KIF21A: variants seen among roughly 807,000 people sequenced by gnomAD.
KIF21A encodes the protein kinesin-like protein KIF21A.
A neutral mutation model predicts 202.9 loss-of-function variants in KIF21A; 114 were observed. That is an observed-to-expected ratio of 0.56 (90% CI 0.48 to 0.66). KIF21A has a LOEUF of 0.66. KIF21A is among the 30% of genes least tolerant of loss of function. The probability of loss-of-function intolerance (pLI) is 0.00; values close to 1 mark genes in which losing one functional copy is unlikely to be tolerated. For missense variants in KIF21A, 1,677 were observed against 1,994.9 expected (o/e 0.84, Z 3.04); for synonymous variants, 667 against 670.8 (o/e 0.99, Z 0.09).
chr12:39,416,715 G>GTACATATATATGTGTGTATA (rs1953701442), intron 1 of KIF21A, among the ~76,000 whole-genome samples: 2 of 74,312 alleles, frequency 2.7e-5, no homozygotes, highest in Non-Finnish European at 4.8e-5. Flanking sequence ...ATATATGTGT[G>GTACATATATATGTGTGTATA]TATATATGTA....
At chr12:39,305,688 CA>C (rs1279561450) in intron 34 of KIF21A, among the ~76,000 whole-genome samples, 2 of 152,064 alleles carry the variant, frequency 1.3e-5, no homozygotes, top group Non-Finnish European at 2.9e-5. Context: ...AGCAGAAGTG[CA>C]AAAAATGATT....
chr12:39,416,713 G>GTA (rs780759998), intron 1 of KIF21A, among the ~76,000 whole-genome samples: 1,747 of 72,568 alleles, frequency 0.024, 111 homozygotes, highest in Middle Eastern at 0.045. Context: ...ATATATATGT[G>GTA]TGTATATATG....
At chr12:39,294,553 A>C (rs1273127779) in intron 37 of KIF21A, 36 bp from the exon 38 acceptor site, 1 of 1,447,460 alleles carries the variant, frequency 6.9e-7, no homozygotes. Flanking sequence ...ATATATGAAC[A>C]AGGGCAGAAA....
At position 39,293,772 on chromosome 12, in the gene KIF21A, A is replaced by G. The variant is rs1942050888; in HGVS notation, c.*652T>C. ...AATTAACAGCATTTTAGTCCTGAGC[A>G]CAGAATATAGTAGAGCTGCAAAACT... On this transcript the variant is annotated 3_prime_UTR_variant, in exon 38 of 38. Coordinates refer to ENST00000361418, the MANE Select transcript of KIF21A (RefSeq NM_001173464.2). 1 of 152,606 alleles carries G rather than the reference A, an allele frequency of 6.6e-6. No homozygotes were observed. 9.5% of individuals were successfully genotyped at this position (152,606 alleles called of 1,614,324 possible). A position where few individuals can be genotyped will look rare whatever the true frequency, so the allele number is the denominator to read the frequency against.
At chr12:39,310,419 C>A (rs1318846237) in intron 32 of KIF21A, among the ~76,000 whole-genome samples, 4 of 151,940 alleles carry the variant, frequency 2.6e-5, no homozygotes, top group Non-Finnish European at 1.5e-5. Flanking sequence ...CCCTCACAGA[C>A]AATGAGCAAT....
chr12:39,406,987 AC>A (rs1473453886), intron 1 of KIF21A, among the ~76,000 whole-genome samples: 1 of 152,146 alleles, frequency 6.6e-6, no homozygotes, highest in African/African-American at 2.4e-5. Context: ...CTACCCATAT[AC>A]TTTGCTTTCA....
intron 15 of KIF21A, 91 bp downstream of exon 15, chr12:39,340,815 G>C: frequency 8.9e-6 from 8 of 898,650 alleles, no homozygotes; most frequent in Non-Finnish European, 1.4e-5. Flanking sequence ...GGTTTAATAC[G>C]GCTTCTATTT....
intron 1 of KIF21A, among the ~76,000 whole-genome samples, chr12:39,397,876 A>G (rs1951875189): frequency 6.6e-6 from 1 of 152,266 alleles, no homozygotes; most frequent in Non-Finnish European, 1.5e-5. Flanking sequence ...AGCTGAATGC[A>G]GAGCTTACAG....
chr12:39,441,162 A>ACCT (rs1272611251), intron 1 of KIF21A, among the ~76,000 whole-genome samples: 6 of 152,250 alleles, frequency 3.9e-5, no homozygotes, highest in Non-Finnish European at 7.4e-5. Context: ...CCCAAAAATC[A>ACCT]AACCCACATT....
chr12:39,317,516 A>T (rs1592106322), intron 29 of KIF21A, among the ~76,000 whole-genome samples: 1 of 152,042 alleles, frequency 6.6e-6, no homozygotes, highest in South Asian at 2.1e-4. Flanking sequence ...CAACTTCTCC[A>T]CCCCTGCAAC....
intron 32 of KIF21A, among the ~76,000 whole-genome samples, chr12:39,310,163 C>A (rs1943887568): frequency 6.6e-6 from 1 of 152,062 alleles, no homozygotes; most frequent in African/African-American, 2.4e-5. Context: ...AGTAAATATA[C>A]ACACATTTTT....
At chr12:39,349,739 A>G (rs1948211211) in intron 11 of KIF21A, among the ~76,000 whole-genome samples, 1 of 152,062 alleles carries the variant, frequency 6.6e-6, no homozygotes, top group African/African-American at 2.4e-5. Context: ...ATTGGTTTTC[A>G]TTTTTTAATT....
intron 1 of KIF21A, among the ~76,000 whole-genome samples, chr12:39,419,385 C>G (rs1306437003): frequency 6.6e-6 from 1 of 152,172 alleles, no homozygotes; most frequent in African/African-American, 2.4e-5. Flanking sequence ...GCCCTAGTTC[C>G]TATAATTTCC....
At chr12:39,420,074 TAA>T (rs72435342) in intron 1 of KIF21A, among the ~76,000 whole-genome samples, 5,945 of 83,162 alleles carry the variant, frequency 0.071, 440 homozygotes, top group African/African-American at 0.24. Flanking sequence ...AGACAGAAAG[TAA>T]AAAAAAAAAA....
Position 39,368,224 on chromosome 12 carries a change from C to T in KIF21A, c.451-192G>A, listed in dbSNP as rs373511041. ...TATAAGTAAATGCCAGATTTATTTA[C>T]AAAAGTAAAAACAGTAAGTGACTTA... is the stretch of plus-strand genomic sequence containing the variant. On this transcript the variant is annotated intron_variant, in intron 3 of 37. Coordinates refer to ENST00000361418, the MANE Select transcript of KIF21A (RefSeq NM_001173464.2). Among the ~76,000 whole-genome samples, 9 of 152,116 alleles carry T rather than the reference C, an allele frequency of 5.9e-5. No individual in the cohort carries two copies. In the East Asian group the frequency reaches 1.3e-3, roughly 23 times the overall value.
chr12:39,425,251 A>G (rs536374907), intron 1 of KIF21A, among the ~76,000 whole-genome samples: 1 of 152,236 alleles, frequency 6.6e-6, no homozygotes, highest in African/African-American at 2.4e-5. Flanking sequence ...AAAAATATTT[A>G]TTGTCTCTAT....
chr12:39,317,352 CATT>C (rs1325567840), intron 29 of KIF21A, among the ~76,000 whole-genome samples: 4 of 152,072 alleles, frequency 2.6e-5, no homozygotes, highest in Non-Finnish European at 4.4e-5. Flanking sequence ...AGAAAACAAT[CATT>C]ATCATTCCAA....
intron 7 of KIF21A, among the ~76,000 whole-genome samples, chr12:39,360,166 A>G (rs1949096652): frequency 1.3e-5 from 2 of 152,306 alleles, no homozygotes; most frequent in East Asian, 1.9e-4. Context: ...AAATTTCAAG[A>G]ATGATTCTAT....
intron 6 of KIF21A, 29 bp from the exon 7 acceptor site, chr12:39,363,242 A>G (rs1286785145): frequency 3.8e-6 from 5 of 1,306,074 alleles, no homozygotes; most frequent in Non-Finnish European, 4.4e-6. Context: ...AAGACAGCAA[A>G]ATGATACAAA....
Sources: gnomAD v4.1 joint callset for allele counts (sites outside exome capture counted in the v4.1 genomes callset) on GRCh38, gnomAD v4.1.1 for gene constraint, MANE v1.5 for transcripts, NCBI Gene and HGNC (gene_info 2026-07-23, HGNC 2026-07-21) for gene names.